The following HECW1 variants were observed in gnomAD, a reference collection of about 807,000 sequenced individuals.
HECW1 encodes the protein E3 ubiquitin-protein ligase HECW1.
Under a neutral mutation model 182.3 loss-of-function variants are expected in HECW1, and 61 were observed. The ratio of observed to expected loss-of-function variants is 0.33; its 90% CI spans 0.27 to 0.41. HECW1 has a LOEUF of 0.41. Ranked by LOEUF, HECW1 falls within the 10% of genes least tolerant of loss-of-function variation. The pLI is 1.00. For synonymous variants in HECW1, 859 were observed against 832.6 expected (o/e 1.03, Z -0.55); for missense variants, 1,739 against 2,108.9 (o/e 0.82, Z 3.44).
intron 3 of HECW1, among the ~76,000 whole-genome samples, chr7:43,256,793 C>G (rs540032900): frequency 2.6e-5 from 4 of 152,088 alleles, no homozygotes; most frequent in Middle Eastern, 6.8e-3. Flanking sequence ...ACCTGCTATT[C>G]TTCATCCCCC....
At chr7:43,466,943 T>C (rs2078163606) in intron 15 of HECW1, among the ~76,000 whole-genome samples, 1 of 152,254 alleles carries the variant, frequency 6.6e-6, no homozygotes, top group African/African-American at 2.4e-5. Context: ...AAAGCAGAGT[T>C]CTTCTAGGTA....
At chr7:43,401,555 T>G (rs947706082) in intron 7 of HECW1, among the ~76,000 whole-genome samples, 2 of 140,142 alleles carry the variant, frequency 1.4e-5, no homozygotes, top group South Asian at 4.7e-4. Context: ...TAGACAAATC[T>G]CATTTAAAAA....
intron 3 of HECW1, among the ~76,000 whole-genome samples, chr7:43,263,334 T>C (rs1010539121): frequency 1.3e-5 from 2 of 152,186 alleles, no homozygotes; most frequent in African/African-American, 4.8e-5. Flanking sequence ...AGCCATGGAA[T>C]TGCTAAAATA....
At chr7:43,500,547 G>A (rs2079305620) in intron 19 of HECW1, 152 bp from the exon 20 acceptor site, 4 of 645,302 alleles carry the variant, frequency 6.2e-6, no homozygotes, top group East Asian at 5.6e-5. Flanking sequence ...CTGAGAGCCT[G>A]TGATACAAAC....
intron 3 of HECW1, among the ~76,000 whole-genome samples, chr7:43,303,140 T>C (rs1300611555): frequency 1.3e-5 from 2 of 152,114 alleles, no homozygotes; most frequent in Non-Finnish European, 2.9e-5. Flanking sequence ...ACCACCCAGA[T>C]TTCAGCAACT....
At chr7:43,358,123 C>T (rs1815395951) in intron 5 of HECW1, among the ~76,000 whole-genome samples, 1 of 152,080 alleles carries the variant, frequency 6.6e-6, no homozygotes, top group Admixed American at 6.5e-5. Flanking sequence ...AATTCCTTTC[C>T]ACCCAACTGA....
chr7:43,145,380 C>A (rs1788593969), intron 2 of HECW1, among the ~76,000 whole-genome samples: 2 of 152,218 alleles, frequency 1.3e-5, no homozygotes, highest in South Asian at 4.1e-4. Flanking sequence ...ACTGCAACAT[C>A]CACCTCCTGG....
intron 5 of HECW1, among the ~76,000 whole-genome samples, chr7:43,350,523 A>G (rs1444778870): frequency 6.6e-6 from 1 of 152,120 alleles, no homozygotes. Context: ...GTCATTTAAC[A>G]TAATCCCAGA....
chr7:43,257,249 A>G (rs1800676039), intron 3 of HECW1, among the ~76,000 whole-genome samples: 2 of 152,216 alleles, frequency 1.3e-5, no homozygotes, highest in African/African-American at 4.8e-5. Context: ...AATTTGGGAA[A>G]CACCAAGTTA....
chr7:43,519,174 T>A (rs2080317222), intron 24 of HECW1, among the ~76,000 whole-genome samples: 1 of 152,120 alleles, frequency 6.6e-6, no homozygotes, highest in Non-Finnish European at 1.5e-5. Flanking sequence ...CCATAGAGGT[T>A]TAAACTTGCC....
intron 2 of HECW1, among the ~76,000 whole-genome samples, chr7:43,122,679 G>A (rs116673665): frequency 0.015 from 2,237 of 152,058 alleles, 60 homozygotes; most frequent in African/African-American, 0.051. Flanking sequence ...TTCACAAATT[G>A]TTATTTTCTC....
chr7:43,294,366 T>G (rs1027532615), intron 3 of HECW1, among the ~76,000 whole-genome samples: 1 of 151,610 alleles, frequency 6.6e-6, no homozygotes, highest in Non-Finnish European at 1.5e-5. Flanking sequence ...GCTGTTCCCA[T>G]GGGGGGAGGG....
At position 43,508,107 on chromosome 7, in the gene HECW1, A is replaced by G. The variant is rs752130229; in HGVS notation, c.3842A>G (p.Tyr1281Cys). The G allele has an allele frequency of 1.2e-6, 2 of 1,613,776 alleles. No individual in the cohort carries two copies. Among genetic ancestry groups the G allele is most frequent in the Non-Finnish European group, 1.7e-6 (2 of 1,179,702 alleles). Residue 1281 changes from tyrosine to cysteine, a missense_variant, in exon 23 of 30, where the codon TAC (tyrosine) becomes TGC (cysteine). Coordinates refer to ENST00000395891, the MANE Select transcript of HECW1 (RefSeq NM_015052.5). Reference protein sequence around the residue: ...SRKELQRNKLYVTFVGEEGLD... With the variant: ...SRKELQRNKLCVTFVGEEGLD... ...AAAGAGCTCCAGCGAAACAAGCTCT[A>G]CGTCACCTTTGTTGGAGAGGAGGGG...
chr7:43,432,729 A>C lies in HECW1; in HGVS notation c.802-5274A>C, dbSNP rs1306342632. Among the ~76,000 whole-genome samples the C allele has an allele frequency of 6.6e-6, 1 of 152,152 alleles. No individual in the cohort carries two copies. Among genetic ancestry groups the C allele is most frequent in the Non-Finnish European group, 1.5e-5 (1 of 68,020 alleles). ...CTCCTTTATTTACCAACACTCTCCT[A>C]ATCTCTGCCTAAATTGCTCATTATG... On this transcript the variant is annotated intron_variant, in intron 8 of 29. Coordinates refer to ENST00000395891, the MANE Select transcript of HECW1 (RefSeq NM_015052.5). This position sits in a 1 kb window ranked among gnomAD's most constrained non-coding sequence, Gnocchi z 4.1.
intron 6 of HECW1, among the ~76,000 whole-genome samples, chr7:43,392,888 CT>C (rs1373194819): frequency 1.3e-5 from 2 of 152,184 alleles, no homozygotes; most frequent in Non-Finnish European, 2.9e-5. Flanking sequence ...TCTTCACACT[CT>C]TTTGCTGAAT....
chr7:43,448,666 C>G (rs1471654656), intron 11 of HECW1, among the ~76,000 whole-genome samples: 1 of 152,164 alleles, frequency 6.6e-6, no homozygotes, highest in East Asian at 1.9e-4. Context: ...TAAAACAATC[C>G]TTTGAATTTG....
chr7:43,359,783 A>T (rs973680149), intron 5 of HECW1, among the ~76,000 whole-genome samples: 28 of 152,248 alleles, frequency 1.8e-4, no homozygotes, highest in Non-Finnish European at 2.5e-4. Context: ...TTTGAGAAAA[A>T]ATATCTCAAA....
At chr7:43,133,003 T>C (rs941987577) in intron 2 of HECW1, among the ~76,000 whole-genome samples, 5 of 152,214 alleles carry the variant, frequency 3.3e-5, no homozygotes, top group African/African-American at 1.2e-4. Context: ...ATTCTATTTC[T>C]AGTTTTGTTG....
intron 24 of HECW1, among the ~76,000 whole-genome samples, chr7:43,520,025 AAAAT>A (rs1361178656): frequency 6.6e-6 from 1 of 152,216 alleles, no homozygotes; most frequent in African/African-American, 2.4e-5. Context: ...CTGTGGGTAA[AAAAT>A]AAATAAATCT....
Sources: allele counts gnomAD v4.1 joint callset (sites outside exome capture counted in the v4.1 genomes callset), GRCh38; gene constraint gnomAD v4.1.1; non-coding constraint Gnocchi (gnomAD v3.1); transcripts MANE v1.5; gene names NCBI Gene and HGNC (gene_info 2026-07-23, HGNC 2026-07-21).